HS6ST2: variants seen among roughly 807,000 people sequenced by gnomAD.
HS6ST2 encodes heparan sulfate 6-O-sulfotransferase 2.
HS6ST2 carries 17 observed loss-of-function variants against 33.0 expected under a neutral mutation model. The observed-to-expected ratio is 0.52, with a 90% CI of 0.35 to 0.77. The LOEUF is 0.77. Ranked by LOEUF, HS6ST2 falls within the 30% of genes least tolerant of loss-of-function variation. The probability of loss-of-function intolerance (pLI) is 0.01; values close to 1 mark genes in which losing one functional copy is unlikely to be tolerated. For synonymous variants in HS6ST2, 248 were observed against 237.1 expected (o/e 1.05, Z -0.42); for missense variants, 519 against 551.7 (o/e 0.94, Z 0.59).
intron 2 of HS6ST2, among the ~76,000 whole-genome samples, chrX:132,876,832 C>A (rs1208170248): frequency 1.8e-5 from 2 of 111,964 alleles, no homozygotes; most frequent in Non-Finnish European, 3.8e-5. Context: ...TGTTTCAATA[C>A]AGATAACACC....
rs551057965 is a variant in HS6ST2, at chrX:132,722,675, A to G, written c.948-14181T>C. On this transcript the variant is annotated intron_variant, in intron 2 of 4. Coordinates refer to ENST00000370833, the MANE Select transcript of HS6ST2 (RefSeq NM_001394073.1). ...CAGATATACATAGTAGAAAAAGACCACAAATATTTTTGAATACATGAAATA... is the reference window on the plus strand; with the variant it reads ...CAGATATACATAGTAGAAAAAGACCGCAAATATTTTTGAATACATGAAATA... 4.5e-5 allele frequency among the ~76,000 whole-genome samples: 5 copies of G among 111,561 alleles called. No homozygotes were observed. The Admixed American group carries it at 4.8e-4, about 11-fold the overall frequency.
intron 2 of HS6ST2, among the ~76,000 whole-genome samples, chrX:132,949,894 T>G (rs1032019622): frequency 1.8e-5 from 2 of 111,249 alleles, no homozygotes; most frequent in Non-Finnish European, 3.8e-5. Flanking sequence ...TTTAATATAA[T>G]TGTAGTCGTA....
intron 2 of HS6ST2, among the ~76,000 whole-genome samples, chrX:132,829,109 GATCTAAGTTAATATCTAAGCTGGAAAGT>G (rs1167974065): frequency 1.4e-3 from 133 of 98,413 alleles, no homozygotes; most frequent in African/African-American, 4.7e-3. Flanking sequence ...GATCTGGAAA[GATCTAAGTTAATATCTAAGCTGGAAAGT>G]ATCTAAGTTA....
In HS6ST2 at chrX:132,627,043, T is replaced by C. The variant is rs764622709; in HGVS notation, c.*1180A>G. ...AATGCTTATTTTATCCTTTTTTGGC[T>C]TTTGTAATTGTCTACAAATCTGTCA... On this transcript the variant is annotated 3_prime_UTR_variant, in exon 5 of 5. Transcript: ENST00000370833. The C allele has an allele frequency of 1.2e-4, 13 of 112,688 alleles. No individual in the cohort carries two copies. The South Asian group carries it at 2.2e-3, about 19-fold the overall frequency. 9.3% of individuals were successfully genotyped at this position (112,688 alleles called of 1,213,427 possible).
chrX:132,749,749 C>T (rs1158061990), intron 2 of HS6ST2, among the ~76,000 whole-genome samples: 2 of 111,612 alleles, frequency 1.8e-5, no homozygotes, highest in Non-Finnish European at 3.8e-5. Flanking sequence ...TTGACAGAGT[C>T]ATTCAGCAGT....
intron 2 of HS6ST2, among the ~76,000 whole-genome samples, chrX:132,767,253 C>T (rs923256165): frequency 1.8e-5 from 2 of 112,396 alleles, no homozygotes; most frequent in Non-Finnish European, 3.8e-5. Flanking sequence ...AGGTCTCGCT[C>T]TGTCACCCAG....
At chrX:132,637,822 ATAAT>A (rs1452947200) in intron 4 of HS6ST2, among the ~76,000 whole-genome samples, 1 of 60,910 alleles carries the variant, frequency 1.6e-5, no homozygotes, top group Non-Finnish European at 2.7e-5. Context: ...TTTTATATAT[ATAAT>A]ATTATATATA....
At chrX:132,812,592 G>A (rs1399869066) in intron 2 of HS6ST2, among the ~76,000 whole-genome samples, 1 of 100,051 alleles carries the variant, frequency 1.0e-5, no homozygotes, top group Non-Finnish European at 2.0e-5. Flanking sequence ...TTGGGGGGGG[G>A]AGAAATTATT....
chrX:132,803,342 A>G (rs1250097433), intron 2 of HS6ST2, among the ~76,000 whole-genome samples: 2 of 111,715 alleles, frequency 1.8e-5, no homozygotes, highest in Admixed American at 1.9e-4. Flanking sequence ...CCCATACAAG[A>G]GAAGGGCCCT....
At chrX:132,720,973 G>C (rs1398408210) in intron 2 of HS6ST2, among the ~76,000 whole-genome samples, 1 of 111,503 alleles carries the variant, frequency 9.0e-6, no homozygotes, top group African/African-American at 3.3e-5. Flanking sequence ...GTCCCAATAC[G>C]ATAATAATCA....
intron 2 of HS6ST2, among the ~76,000 whole-genome samples, chrX:132,776,823 A>G (rs772608954): frequency 1.8e-5 from 2 of 111,017 alleles, no homozygotes; most frequent in Non-Finnish European, 3.8e-5. Context: ...GCAATTTTCT[A>G]TACCTGCAAT....
chrX:132,803,069 C>T (rs2065250090), intron 2 of HS6ST2, among the ~76,000 whole-genome samples: 2 of 111,377 alleles, frequency 1.8e-5, no homozygotes, highest in Non-Finnish European at 3.8e-5. Flanking sequence ...AGGCCCAAGG[C>T]CAGCCCTGCC....
chrX:132,699,585 C>A (rs1426282900), intron 3 of HS6ST2, among the ~76,000 whole-genome samples: 2 of 112,116 alleles, frequency 1.8e-5, no homozygotes, highest in Non-Finnish European at 1.9e-5. Flanking sequence ...ATAATTACAA[C>A]TAATTCGTTT....
chrX:132,679,707 G>A (rs2063953279), intron 3 of HS6ST2, among the ~76,000 whole-genome samples: 1 of 108,971 alleles, frequency 9.2e-6, no homozygotes, highest in African/African-American at 3.4e-5. Flanking sequence ...GGAGACTGGG[G>A]TCTATTTCAC....
At chrX:132,707,636 A>G (rs995926451) in intron 3 of HS6ST2, among the ~76,000 whole-genome samples, 6 of 112,109 alleles carry the variant, frequency 5.4e-5, no homozygotes, top group Admixed American at 1.9e-4. Flanking sequence ...AAACAGAGGC[A>G]CTAGTAAATA....
chrX:132,736,588 C>G (rs1460575669), intron 2 of HS6ST2, among the ~76,000 whole-genome samples: 2 of 111,656 alleles, frequency 1.8e-5, no homozygotes, highest in Non-Finnish European at 3.8e-5. Flanking sequence ...AGTAGGGTGA[C>G]AGCTCAGGAT....
At chrX:132,938,927 T>C (rs990637778) in intron 2 of HS6ST2, among the ~76,000 whole-genome samples, 1 of 112,394 alleles carries the variant, frequency 8.9e-6, no homozygotes, top group Non-Finnish European at 1.9e-5. Flanking sequence ...CTTACAGTTC[T>C]GCAGGCTGTA....
chrX:132,887,340 T>C (rs2066262820), intron 2 of HS6ST2, among the ~76,000 whole-genome samples: 1 of 111,852 alleles, frequency 8.9e-6, no homozygotes. Flanking sequence ...AAACCAATTA[T>C]AAGCAAAATA....
rs2063497367 is a variant in HS6ST2, at chrX:132,628,877, G to A, written c.1284C>T (p.Asn428=). 7 of 1,211,737 alleles carry A rather than the reference G, an allele frequency of 5.8e-6. No individual in the cohort carries two copies. The African/African-American group carries it at 6.9e-5, about 12-fold the overall frequency. ...GGTCGGAGAGCATGCGCACCTGGCG[G>A]TTGTTGGCTAGATTGTAGGGACAGT... ...FMDCPYNLAN[N]RQVRMLSDLT... The change falls in exon 5 of 5, where the codon AAC becomes AAT. Residue 428 remains asparagine, a synonymous_variant. Coordinates refer to ENST00000370833, the MANE Select transcript of HS6ST2 (RefSeq NM_001394073.1).
Sources: gnomAD v4.1 joint callset for allele counts (sites outside exome capture counted in the v4.1 genomes callset) on GRCh38, gnomAD v4.1.1 for gene constraint, MANE v1.5 for transcripts, NCBI Gene and HGNC (gene_info 2026-07-23, HGNC 2026-07-21) for gene names.